CSMD1: variants seen among roughly 807,000 people sequenced by gnomAD.
CSMD1 encodes CUB and sushi domain-containing protein 1.
A neutral mutation model predicts 417.5 loss-of-function variants in CSMD1; 213 were observed. The ratio of observed to expected loss-of-function variants is 0.51; its 90% CI spans 0.46 to 0.57. The LOEUF is 0.57. Among genes scored for constraint, CSMD1 ranks in the 20% least tolerant of loss-of-function variants. The pLI is 0.00. For missense variants in CSMD1, 6,923 were observed against 4,529.7 expected, an observed-to-expected ratio of 1.53 and a Z score of -15.17; for synonymous variants, 2,862 against 1,736.8, an observed-to-expected ratio of 1.65 and a Z score of -16.11.
intron 3 of CSMD1, among the ~76,000 whole-genome samples, chr8:4,327,867 C>G (rs188510759): frequency 1.3e-3 from 191 of 152,172 alleles, no homozygotes; most frequent in African/African-American, 4.2e-3. Context: ...TTTTGTAAAA[C>G]AAAAAACTTT....
intron 2 of CSMD1, among the ~76,000 whole-genome samples, chr8:4,463,923 G>T (rs1430798710): frequency 1.3e-5 from 2 of 152,072 alleles, no homozygotes; most frequent in African/African-American, 4.8e-5. Flanking sequence ...CTGATTAAAA[G>T]AAAGCAGCAG....
intron 26 of CSMD1, among the ~76,000 whole-genome samples, chr8:3,256,148 T>G (rs1267300205): frequency 6.6e-6 from 1 of 151,790 alleles, no homozygotes; most frequent in Non-Finnish European, 1.5e-5. Flanking sequence ...GCCAACATGG[T>G]GAAACCTCCT....
At chr8:3,417,099 C>T (rs1259480731) in intron 12 of CSMD1, among the ~76,000 whole-genome samples, 1 of 152,166 alleles carries the variant, frequency 6.6e-6, no homozygotes, top group Non-Finnish European at 1.5e-5. Context: ...CAAATTTATT[C>T]TGGATGGGGT....
chr8:3,271,370 A>T (rs1326535842), intron 26 of CSMD1, among the ~76,000 whole-genome samples: 1 of 151,938 alleles, frequency 6.6e-6, no homozygotes, highest in African/African-American at 2.4e-5. Flanking sequence ...GCTATTGTGA[A>T]TAATGCCACA....
chr8:3,833,458 TTTATTAATGCTATC>T (rs1802485974), intron 5 of CSMD1, among the ~76,000 whole-genome samples: 1 of 152,152 alleles, frequency 6.6e-6, no homozygotes, highest in Non-Finnish European at 1.5e-5. Flanking sequence ...TTACAAATCA[TTTATTAATGCTATC>T]TTATTTTCCT....
intron 50 of CSMD1, among the ~76,000 whole-genome samples, chr8:3,051,561 A>G (rs760609680): frequency 6.6e-5 from 10 of 152,204 alleles, no homozygotes; most frequent in Non-Finnish European, 1.0e-4. Flanking sequence ...GTTCACCTAT[A>G]TAACAAACTT....
intron 3 of CSMD1, among the ~76,000 whole-genome samples, chr8:4,080,134 A>G (rs1037929056): frequency 1.1e-4 from 17 of 151,842 alleles, no homozygotes; most frequent in Admixed American, 2.6e-4. Context: ...CCATAGGTAC[A>G]CCTGCTCAGT....
chr8:4,263,230 G>C (rs112863950), intron 3 of CSMD1, among the ~76,000 whole-genome samples: 30 of 152,092 alleles, frequency 2.0e-4, no homozygotes, highest in African/African-American at 7.0e-4. Context: ...TAGGCTGTTG[G>C]GTAATGATCT....
intron 2 of CSMD1, among the ~76,000 whole-genome samples, chr8:4,494,481 T>G (rs985928636): frequency 1.3e-5 from 2 of 152,218 alleles, no homozygotes; most frequent in Non-Finnish European, 2.9e-5. Flanking sequence ...GTGAAGACAA[T>G]TCTATCCAAG....
At chr8:4,924,200 T>A (rs1806697141) in intron 1 of CSMD1, among the ~76,000 whole-genome samples, 1 of 152,166 alleles carries the variant, frequency 6.6e-6, no homozygotes, top group African/African-American at 2.4e-5. Flanking sequence ...AAATGTAGGA[T>A]CCACTTTGAG....
At chr8:3,890,269 TA>T (rs1423329987) in intron 5 of CSMD1, among the ~76,000 whole-genome samples, 7 of 152,198 alleles carry the variant, frequency 4.6e-5, no homozygotes, top group African/African-American at 1.7e-4. Context: ...AAACATCAGA[TA>T]TTTTGCTGGG....
chr8:4,158,351 A>T (rs1796954144), intron 3 of CSMD1, among the ~76,000 whole-genome samples: 1 of 152,146 alleles, frequency 6.6e-6, no homozygotes, highest in South Asian at 2.1e-4. Flanking sequence ...CATTGCAAAG[A>T]AAACCCGAAA....
At chr8:3,443,183 G>C (rs1427606250) in intron 12 of CSMD1, among the ~76,000 whole-genome samples, 1 of 152,144 alleles carries the variant, frequency 6.6e-6, no homozygotes, top group Non-Finnish European at 1.5e-5. Flanking sequence ...AAAAAAATGT[G>C]AGAGGATACA....
chr8:3,591,272 T>C (rs1800833269), intron 8 of CSMD1, among the ~76,000 whole-genome samples: 1 of 152,234 alleles, frequency 6.6e-6, no homozygotes, highest in African/African-American at 2.4e-5. Context: ...ACATACATTT[T>C]CTGCTTCTTC....
rs1222961233 is a variant in CSMD1 at position 3,230,531 on chromosome 8, C to T, written c.4154-300G>A. Among the ~76,000 whole-genome samples the T allele has an allele frequency of 2.0e-5, 3 of 152,174 alleles. No homozygotes were observed. In the East Asian group the frequency reaches 5.8e-4, roughly 29 times the overall value. ...TATCCTTAGAATAAATACATACATACACACAGACTGATTTTCTCTTCAGCA... is the reference window on the plus strand; with the variant it reads ...TATCCTTAGAATAAATACATACATATACACAGACTGATTTTCTCTTCAGCA... On this transcript the variant is annotated intron_variant, in intron 26 of 69. Transcript: ENST00000635120.
chr8:3,281,603 C>G (rs769053682), intron 26 of CSMD1, among the ~76,000 whole-genome samples: 3 of 152,220 alleles, frequency 2.0e-5, no homozygotes, highest in South Asian at 2.1e-4. Context: ...CTGCGTGATT[C>G]TAACTCTGTG....
intron 3 of CSMD1, among the ~76,000 whole-genome samples, chr8:4,405,371 C>T (rs773284142): frequency 6.6e-6 from 1 of 151,490 alleles, no homozygotes; most frequent in South Asian, 2.1e-4. Context: ...GGTTTAGATT[C>T]TGGCACAAAC....
rs78747947 is a variant in CSMD1 at position 4,919,250 on chromosome 8, C to T, written c.85+75082G>A. Among the ~76,000 whole-genome samples, 217 of 152,286 alleles carry T rather than the reference C, an allele frequency of 1.4e-3. 5 individuals are homozygous for T. The East Asian group carries it at 0.036, about 26-fold the overall frequency. ...CATAGCTACAATTCAGAAATAATCT[C>T]TTGCCCAAAGGGAAAAAGAAGAGTT... On this transcript the variant is annotated intron_variant, in intron 1 of 69. Transcript: ENST00000635120.
intron 1 of CSMD1, among the ~76,000 whole-genome samples, chr8:4,807,576 T>A (rs184281149): frequency 6.8e-4 from 104 of 152,292 alleles, no homozygotes; most frequent in African/African-American, 2.3e-3. Context: ...AGCTTTGGAA[T>A]GGGTTGTTAC....
Sources: allele counts gnomAD v4.1 joint callset (sites outside exome capture counted in the v4.1 genomes callset), GRCh38; gene constraint gnomAD v4.1.1; transcripts MANE v1.5; gene names NCBI Gene and HGNC (gene_info 2026-07-23, HGNC 2026-07-21).